Variants in AFF1 observed in about 807,000 individuals in gnomAD.
AFF1 encodes AF4/FMR2 family member 1.
In AFF1, 48 loss-of-function variants were observed where a neutral mutation model predicts 121.7. The ratio of observed to expected loss-of-function variants is 0.39; its 90% confidence interval spans 0.31 to 0.50. AFF1 has a LOEUF of 0.50. AFF1 is among the 20% of genes least tolerant of loss of function. The pLI is 0.76. For synonymous variants in AFF1, 613 were observed against 563.0 expected (o/e 1.09, Z -1.26); for missense variants, 1,523 against 1,511.7 (o/e 1.01, Z -0.12).
intron 2 of AFF1, among the ~76,000 whole-genome samples, chr4:87,040,499 G>C (rs944798168): frequency 5.3e-5 from 8 of 151,800 alleles, no homozygotes; most frequent in African/African-American, 1.9e-4. Flanking sequence ...GAGAGTATAA[G>C]CTTTCTTGCC....
At chr4:86,969,932 G>A (rs2149478374) in intron 2 of AFF1, among the ~76,000 whole-genome samples, 1 of 145,840 alleles carries the variant, frequency 6.9e-6, no homozygotes, top group Admixed American at 7.0e-5. Context: ...AAGATTGCAT[G>A]ATATAGTATA....
chr4:87,084,080 C>G (rs1161719122), intron 4 of AFF1, 40 bp from the exon 5 acceptor site: 1 of 1,602,052 alleles, frequency 6.2e-7, no homozygotes, highest in Non-Finnish European at 8.6e-7. Flanking sequence ...ACTCTTGACT[C>G]TGGTTTGCTA....
chr4:86,964,725 C>T (rs771893656), intron 2 of AFF1, among the ~76,000 whole-genome samples: 2 of 152,150 alleles, frequency 1.3e-5, no homozygotes, highest in Non-Finnish European at 1.5e-5. Flanking sequence ...TGAGCCACTG[C>T]GCCCGGCTGT....
intron 2 of AFF1, among the ~76,000 whole-genome samples, chr4:87,008,481 T>G (rs1420601546): frequency 6.6e-6 from 1 of 152,234 alleles, no homozygotes; most frequent in African/African-American, 2.4e-5. Context: ...TTTCTTCTTC[T>G]CAACACAGTG....
rs556484651 is a variant in AFF1, at chr4:86,969,484, C to G, written c.38+20913C>G. ...ACAGAGCGAGCTTCCATCTCAAAAACAGAACAAAACAAAAAACAGTTGAAT... is the reference window on the plus strand; with the variant it reads ...ACAGAGCGAGCTTCCATCTCAAAAAGAGAACAAAACAAAAAACAGTTGAAT... On this transcript the variant is annotated intron_variant, in intron 2 of 20. Coordinates refer to ENST00000395146, the MANE Select transcript of AFF1 (RefSeq NM_001166693.3). Among the ~76,000 whole-genome samples, 8 of 148,926 alleles carry G rather than the reference C, an allele frequency of 5.4e-5. No individual in the cohort carries two copies. The South Asian group carries it at 1.7e-3, about 32-fold the overall frequency.
At chr4:87,098,741 C>T (rs915712639) in intron 8 of AFF1, among the ~76,000 whole-genome samples, 2 of 152,158 alleles carry the variant, frequency 1.3e-5, no homozygotes, top group African/African-American at 2.4e-5. Flanking sequence ...AGAAATTAGT[C>T]ATTATAGCAA....
At chr4:87,042,319 A>C (rs1730243681) in intron 2 of AFF1, among the ~76,000 whole-genome samples, 1 of 152,228 alleles carries the variant, frequency 6.6e-6, no homozygotes, top group Non-Finnish European at 1.5e-5. Context: ...AGAAACCAGA[A>C]AGCTATTTAA....
At chr4:86,947,817 T>TTG (rs1001035879) in intron 1 of AFF1, among the ~76,000 whole-genome samples, 8 of 56,146 alleles carry the variant, frequency 1.4e-4, no homozygotes, top group Non-Finnish European at 3.6e-4. Flanking sequence ...CGGTTTTTGT[T>TTG]TGTTTTTTTT....
chr4:87,037,084 A>T (rs1444523840), intron 2 of AFF1, among the ~76,000 whole-genome samples: 1 of 152,164 alleles, frequency 6.6e-6, no homozygotes, highest in East Asian at 1.9e-4. Context: ...CAGTTTTCAG[A>T]GCTTCTAATG....
chr4:86,935,452 C>A (rs1314948042), intron 1 of AFF1: 1 of 152,422 alleles, frequency 6.6e-6, no homozygotes, highest in East Asian at 1.9e-4. Flanking sequence ...TACTTGCGAT[C>A]CCGCGGCAGG....
In AFF1 at chr4:87,001,462, C is replaced by T. The variant is rs571637015; in HGVS notation, c.39-44704C>T. Among the ~76,000 whole-genome samples the T allele has an allele frequency of 2.6e-5, 4 of 152,130 alleles. No individual in the cohort carries two copies. In the East Asian group the frequency reaches 5.8e-4, roughly 22 times the overall value. On this transcript the variant is annotated intron_variant, in intron 2 of 20. Coordinates refer to ENST00000395146, the MANE Select transcript of AFF1 (RefSeq NM_001166693.3). ...GGATCTCCTGACCTCGTGATCCACC[C>T]GCCTCGGCCTCCCAAGGTGTCGGGA...
chr4:87,018,472 T>C (rs912639746), intron 2 of AFF1, among the ~76,000 whole-genome samples: 2 of 152,184 alleles, frequency 1.3e-5, no homozygotes, highest in Non-Finnish European at 2.9e-5. Flanking sequence ...AGAAAGGTAA[T>C]TGTCCTTCTA....
intron 10 of AFF1, 120 bp downstream of exon 10, chr4:87,105,965 C>T (rs1319349718): frequency 7.9e-7 from 1 of 1,263,630 alleles, no homozygotes; most frequent in African/African-American, 1.5e-5. Flanking sequence ...TGAAGGATCA[C>T]AGTAAAAGGA....
In AFF1 at chr4:87,046,814, G is replaced by A. The variant is rs1437562619; in HGVS notation, c.279G>A (p.Arg93=). 1.2e-6 allele frequency: 2 copies of A among 1,614,208 alleles called. No individual in the cohort carries two copies. Among genetic ancestry groups the A allele is most frequent in the Non-Finnish European group, 1.7e-6 (2 of 1,180,036 alleles). ...ATCGCCTGGATGCTTCTGAAAATAGGTTGGGAAAGCCGAAATATCCTTTAA... is the reference window on the plus strand; with the variant it reads ...ATCGCCTGGATGCTTCTGAAAATAGATTGGGAAAGCCGAAATATCCTTTAA... ...HTHRLDASEN[R]LGKPKYPLIP... Residue 93 remains arginine (R), a synonymous_variant, in exon 4 of 21, where the codon AGG becomes AGA. Transcript: ENST00000395146.
chr4:87,015,656 CCT>C (rs1392801350), intron 2 of AFF1, among the ~76,000 whole-genome samples: 2 of 152,154 alleles, frequency 1.3e-5, no homozygotes, highest in Non-Finnish European at 2.9e-5. Context: ...GGAGGGGCCT[CCT>C]CTTAAAAACA....
chr4:87,083,335 G>GA (rs1310587304), intron 4 of AFF1, among the ~76,000 whole-genome samples: 7 of 152,098 alleles, frequency 4.6e-5, no homozygotes, highest in African/African-American at 1.7e-4. Context: ...GTCTTTCTCT[G>GA]AAAAAAACTT....
At chr4:86,977,701 A>G (rs1168482788) in intron 2 of AFF1, among the ~76,000 whole-genome samples, 1 of 152,200 alleles carries the variant, frequency 6.6e-6, no homozygotes, top group Non-Finnish European at 1.5e-5. Context: ...GTTAAGGACT[A>G]TGTGTTACTC....
intron 2 of AFF1, among the ~76,000 whole-genome samples, chr4:87,032,500 C>T (rs1209948678): frequency 6.6e-6 from 1 of 152,218 alleles, no homozygotes; most frequent in Non-Finnish European, 1.5e-5. Context: ...CAACTTATTC[C>T]TCCTTTTTTT....
At chr4:86,949,276 G>A (rs1207001408) in intron 2 of AFF1, among the ~76,000 whole-genome samples, 2 of 149,596 alleles carry the variant, frequency 1.3e-5, no homozygotes, top group Non-Finnish European at 3.0e-5. Flanking sequence ...CCAGGTTCAA[G>A]CAATTCTGCC....
Sources: allele counts gnomAD v4.1 joint callset (sites outside exome capture counted in the v4.1 genomes callset), GRCh38; gene constraint gnomAD v4.1.1; transcripts MANE v1.5; gene names NCBI Gene and HGNC (gene_info 2026-07-23, HGNC 2026-07-21).